Variants in WDPCP observed in about 807,000 individuals in gnomAD.
WDPCP encodes the protein WD repeat-containing and planar cell polarity effector protein fritz homolog.
WDPCP carries 71 observed loss-of-function variants against 93.1 expected under a neutral mutation model. That is an observed-to-expected ratio of 0.76 (90% CI 0.63 to 0.93). The LOEUF is 0.93. Ranked by LOEUF, WDPCP falls within the 40% of genes least tolerant of loss-of-function variation. The probability of loss-of-function intolerance (pLI) is 0.00; values close to 1 mark genes in which losing one functional copy is unlikely to be tolerated. For synonymous variants in WDPCP, 315 were observed against 315.0 expected, an observed-to-expected ratio of 1.00 and a Z score of 0.00; for missense variants, 844 against 887.4, an observed-to-expected ratio of 0.95 and a Z score of 0.62.
At chr2:63,269,092 G>A (rs1409623262) in intron 13 of WDPCP, among the ~76,000 whole-genome samples, 1 of 151,758 alleles carries the variant, frequency 6.6e-6, no homozygotes, top group African/African-American at 2.4e-5. Context: ...CATATCACAA[G>A]TCTAAATGGA....
intron 13 of WDPCP, among the ~76,000 whole-genome samples, chr2:63,293,958 C>A (rs1407108091): frequency 6.6e-6 from 1 of 152,088 alleles, no homozygotes; most frequent in African/African-American, 2.4e-5. Context: ...GAAATAATGG[C>A]TAAAAACTCC....
At chr2:63,323,108 C>G (rs989814470) in intron 12 of WDPCP, among the ~76,000 whole-genome samples, 1 of 152,206 alleles carries the variant, frequency 6.6e-6, no homozygotes, top group Admixed American at 6.5e-5. Flanking sequence ...GGGGTCCCAA[C>G]AACAAGTTGG....
At chr2:63,775,699 A>G (rs891240829) in intron 2 of WDPCP, among the ~76,000 whole-genome samples, 4 of 152,232 alleles carry the variant, frequency 2.6e-5, no homozygotes, top group African/African-American at 9.6e-5. Context: ...ACAAGGTGAA[A>G]TAAAAGGAGA....
intron 3 of WDPCP, chr2:63,642,600 T>C (rs1462061624): frequency 6.6e-6 from 1 of 152,118 alleles, no homozygotes; most frequent in Non-Finnish European, 1.5e-5. Flanking sequence ...CTTTTTCAGA[T>C]TGCTTGCTGT....
At chr2:63,644,405 A>G (rs1209831527) in intron 3 of WDPCP, among the ~76,000 whole-genome samples, 4 of 151,808 alleles carry the variant, frequency 2.6e-5, no homozygotes, top group Admixed American at 6.6e-5. Flanking sequence ...CACCATGCCC[A>G]GCTAATTTTT....
intron 1 of WDPCP, among the ~76,000 whole-genome samples, chr2:63,565,015 G>C (rs1706929555): frequency 6.6e-6 from 1 of 152,174 alleles, no homozygotes; most frequent in South Asian, 2.1e-4. Flanking sequence ...CTGACCTCAT[G>C]ATCTGCCGCC....
Position 63,588,342 on chromosome 2 carries a change from C to T in WDPCP, c.-71G>A, listed in dbSNP as rs1039205439. The T allele has an allele frequency of 2.6e-6, 4 of 1,527,508 alleles. No homozygotes were observed. In the African/African-American group the frequency reaches 5.5e-5, roughly 21 times the overall value. 94.6% of individuals were successfully genotyped at this position (1,527,508 alleles called of 1,614,324 possible). ...GACCCGAGAGGGAGCGACACGCTCGCTTGGTCTCTTGGGTCTCCAGGACGC... is the reference window on the plus strand; with the variant it reads ...GACCCGAGAGGGAGCGACACGCTCGTTTGGTCTCTTGGGTCTCCAGGACGC... On this transcript the variant is annotated 5_prime_UTR_variant, in exon 1 of 18. Transcript: ENST00000272321.
At chr2:63,152,760 G>A (rs941998686) in intron 17 of WDPCP, among the ~76,000 whole-genome samples, 154 bp downstream of exon 17, 1 of 152,166 alleles carries the variant, frequency 6.6e-6, no homozygotes, top group African/African-American at 2.4e-5. Flanking sequence ...TTTAGAAGCT[G>A]TTAGTGTAGT....
chr2:63,425,969 C>G (rs2421892), intron 9 of WDPCP, among the ~76,000 whole-genome samples: 70,677 of 151,954 alleles, frequency 0.47, 17,096 homozygotes, highest in African/African-American at 0.59. Flanking sequence ...CTTAATGGGG[C>G]CTAGACAGAA....
intron 12 of WDPCP, among the ~76,000 whole-genome samples, chr2:63,364,712 A>T (rs1690757429): frequency 6.6e-6 from 1 of 152,208 alleles, no homozygotes; most frequent in South Asian, 2.1e-4. Flanking sequence ...AGGACCTATG[A>T]AGTCATTTCA....
At chr2:63,249,701 AAGGAAGAG>A (rs1271124960) in intron 14 of WDPCP, among the ~76,000 whole-genome samples, 6 of 152,170 alleles carry the variant, frequency 3.9e-5, no homozygotes, top group Admixed American at 2.0e-4. Context: ...GAACTGAAAG[AAGGAAGAG>A]GCTGAGGGGA....
At chr2:63,623,727 C>G (rs1231302354) in intron 3 of WDPCP, among the ~76,000 whole-genome samples, 1 of 152,080 alleles carries the variant, frequency 6.6e-6, no homozygotes, top group East Asian at 1.9e-4. Flanking sequence ...GACTCCCACA[C>G]AATAATAGTG....
chr2:63,439,910 T>C, intron 6 of WDPCP, 39 bp from the exon 7 acceptor site: 2 of 1,494,272 alleles, frequency 1.3e-6, no homozygotes, highest in Non-Finnish European at 9.3e-7. Context: ...GAGGAAGACA[T>C]GCTGTGATTT....
intron 3 of WDPCP, among the ~76,000 whole-genome samples, chr2:63,607,541 A>T (rs1000653694): frequency 6.6e-6 from 1 of 151,534 alleles, no homozygotes; most frequent in African/African-American, 2.4e-5. Flanking sequence ...TCTCAAAAAA[A>T]AGAAGAGGAC....
intron 12 of WDPCP, among the ~76,000 whole-genome samples, chr2:63,343,099 G>A (rs908714626): frequency 6.6e-6 from 1 of 152,060 alleles, no homozygotes; most frequent in Non-Finnish European, 1.5e-5. Context: ...CTGCCTCCCA[G>A]GTTCGATTCT....
intron 2 of WDPCP, among the ~76,000 whole-genome samples, chr2:63,784,957 A>G (rs2103984625): frequency 6.6e-6 from 1 of 152,320 alleles, no homozygotes; most frequent in African/African-American, 2.4e-5. Context: ...GCTACCTCAT[A>G]AAGTTGTAAA....
intron 2 of WDPCP, among the ~76,000 whole-genome samples, chr2:63,702,013 A>G (rs891966498): frequency 6.6e-6 from 1 of 152,176 alleles, no homozygotes; most frequent in Non-Finnish European, 1.5e-5. Context: ...AATTGTTCCT[A>G]GCATAAAGAA....
chr2:63,404,441 T>G lies in WDPCP; in HGVS notation c.1042A>C (p.Thr348Pro), dbSNP rs751500756. Residue 348 changes from threonine (T) to proline (P), a missense_variant, in exon 10 of 18, where the codon ACT becomes CCT. Transcript: ENST00000272321. The part of the protein sequence containing the change: ...SKAISCCRNV[T>P]EDKLILGCED... The stretch of plus-strand genomic sequence containing the variant: ...CAGCCCAGAATCAGTTTGTCTTCAG[T>G]AACATTCCTGCAGCAGCTGATGGCC... The G allele has an allele frequency of 1.2e-6, 2 of 1,614,176 alleles. No homozygotes were observed. The highest frequency in any genetic ancestry group is 1.1e-5 in the South Asian group (1 of 91,088).
At chr2:63,230,450 C>A (rs1399216815) in intron 14 of WDPCP, among the ~76,000 whole-genome samples, 2 of 151,998 alleles carry the variant, frequency 1.3e-5, no homozygotes, top group Admixed American at 6.6e-5. Flanking sequence ...GGGTATATGC[C>A]CAGTAATGGG....
Sources: gnomAD v4.1 joint callset for allele counts (sites outside exome capture counted in the v4.1 genomes callset) on GRCh38, gnomAD v4.1.1 for gene constraint, MANE v1.5 for transcripts, NCBI Gene and HGNC (gene_info 2026-07-23, HGNC 2026-07-21) for gene names.